Variants in FRAS1 observed in about 807,000 individuals in gnomAD.
FRAS1 encodes Fraser extracellular matrix complex subunit 1, also known as extracellular matrix organizing protein FRAS1.
A neutral mutation model predicts 435.2 loss-of-function variants in FRAS1; 290 were observed. That is an observed-to-expected ratio of 0.67 (90% CI 0.61 to 0.73). FRAS1 has a LOEUF of 0.73. Ranked by LOEUF, FRAS1 falls within the 30% of genes least tolerant of loss-of-function variation. FRAS1 has a pLI of 0.00. For synonymous variants in FRAS1, 1,800 were observed against 1,851.0 expected, an observed-to-expected ratio of 0.97 and a Z score of 0.71; for missense variants, 4,860 against 5,001.5, an observed-to-expected ratio of 0.97 and a Z score of 0.85.
chr4:78,242,243 AG>A (rs1285601141), intron 3 of FRAS1, among the ~76,000 whole-genome samples: 1 of 152,158 alleles, frequency 6.6e-6, no homozygotes, highest in East Asian at 1.9e-4. Flanking sequence ...ACTTATCCAG[AG>A]CTAGGAGGTG....
chr4:78,366,066 G>A (rs1731255959), intron 22 of FRAS1, among the ~76,000 whole-genome samples: 1 of 152,118 alleles, frequency 6.6e-6, no homozygotes, highest in Non-Finnish European at 1.5e-5. Flanking sequence ...GGGCTTTTGA[G>A]GAAATGTAAT....
At chr4:78,319,022 G>C in intron 18 of FRAS1, 36 bp downstream of exon 18, 2 of 1,602,862 alleles carry the variant, frequency 1.2e-6, no homozygotes, top group Non-Finnish European at 8.5e-7. Flanking sequence ...GGTAGCCTCT[G>C]GGCTTATCTC....
chr4:78,216,524 C>T (rs1723775559), intron 2 of FRAS1, among the ~76,000 whole-genome samples: 1 of 152,176 alleles, frequency 6.6e-6, no homozygotes, highest in African/African-American at 2.4e-5. Flanking sequence ...TGGAAACCCT[C>T]ACTGTTATAG....
intron 20 of FRAS1, among the ~76,000 whole-genome samples, chr4:78,354,023 T>TAAAAAA (rs767987937): frequency 5.6e-4 from 59 of 105,996 alleles, no homozygotes; most frequent in Non-Finnish European, 1.0e-3. Flanking sequence ...AAAAATAAAA[T>TAAAAAA]AAAAAAAAAA....
At chr4:78,381,150 A>T (rs376180889) in intron 27 of FRAS1, among the ~76,000 whole-genome samples, 1 of 152,190 alleles carries the variant, frequency 6.6e-6, no homozygotes, top group East Asian at 1.9e-4. Context: ...CCTCCCTAAT[A>T]TACTAGGAAC....
At chr4:78,203,157 T>C (rs1012952106) in intron 2 of FRAS1, among the ~76,000 whole-genome samples, 4 of 152,224 alleles carry the variant, frequency 2.6e-5, no homozygotes, top group African/African-American at 4.8e-5. Context: ...GTTTAACAAA[T>C]GTTAATTGAG....
intron 2 of FRAS1, among the ~76,000 whole-genome samples, chr4:78,149,062 G>C (rs1157346759): frequency 6.6e-6 from 1 of 152,178 alleles, no homozygotes; most frequent in Non-Finnish European, 1.5e-5. Flanking sequence ...TAAAGCAACA[G>C]ACTTGGAACT....
At chr4:78,211,365 G>A (rs1723493781) in intron 2 of FRAS1, among the ~76,000 whole-genome samples, 1 of 152,202 alleles carries the variant, frequency 6.6e-6, no homozygotes, top group Admixed American at 6.5e-5. Flanking sequence ...GTCAACTTGT[G>A]AAAGTTTATA....
intron 32 of FRAS1, among the ~76,000 whole-genome samples, chr4:78,417,524 C>G (rs1158178147): frequency 6.6e-6 from 1 of 152,028 alleles, no homozygotes; most frequent in African/African-American, 2.4e-5. Flanking sequence ...ATTTGTTGTC[C>G]TTACTTGTTT....
chr4:78,316,330 G>A (rs543247183), intron 16 of FRAS1, among the ~76,000 whole-genome samples: 1 of 152,232 alleles, frequency 6.6e-6, no homozygotes, highest in South Asian at 2.1e-4. Context: ...CTTGTTGCCT[G>A]GGACATCTTG....
At chr4:78,452,566 A>ACATGTAAAAT (rs2109836429) in intron 47 of FRAS1, among the ~76,000 whole-genome samples, 1 of 152,378 alleles carries the variant, frequency 6.6e-6, no homozygotes, top group Non-Finnish European at 1.5e-5. Context: ...ATTAAAAGTT[A>ACATGTAAAAT]CATGTAAAAT....
Position 78,104,672 on chromosome 4 carries a change from T to C in FRAS1, c.108+38656T>C, listed in dbSNP as rs952817785. On this transcript the variant is annotated intron_variant, in intron 2 of 73. Coordinates refer to ENST00000512123, the MANE Select transcript of FRAS1 (RefSeq NM_025074.7). ...GCAGAAATTTATTGCAGAGCTGATATGTTTTCCATGCCAGGTGTTGGTGGT... is the reference window on the plus strand; with the variant it reads ...GCAGAAATTTATTGCAGAGCTGATACGTTTTCCATGCCAGGTGTTGGTGGT... Among the ~76,000 whole-genome samples, 7 of 152,340 alleles carry C rather than the reference T, an allele frequency of 4.6e-5. No individual in the cohort carries two copies. In the East Asian group the frequency reaches 5.8e-4, roughly 13 times the overall value.
At chr4:78,346,274 T>A (rs1196859680) in intron 20 of FRAS1, among the ~76,000 whole-genome samples, 1 of 152,258 alleles carries the variant, frequency 6.6e-6, no homozygotes, top group East Asian at 1.9e-4. Context: ...TCATGTTTAT[T>A]GAACACTCAT....
At chr4:78,168,522 T>C (rs1214823274) in intron 2 of FRAS1, among the ~76,000 whole-genome samples, 1 of 152,082 alleles carries the variant, frequency 6.6e-6, no homozygotes, top group Non-Finnish European at 1.5e-5. Context: ...TTTTTTTTCC[T>C]TGAGTAGGCA....
intron 34 of FRAS1, among the ~76,000 whole-genome samples, chr4:78,423,325 C>CCCAG (rs1221412561): frequency 5.9e-5 from 9 of 152,048 alleles, no homozygotes; most frequent in Non-Finnish European, 1.2e-4. Flanking sequence ...TGCCACCACA[C>CCCAG]CCGGCTAAGT....
chr4:78,132,827 G>A (rs766872227), intron 2 of FRAS1, among the ~76,000 whole-genome samples: 3 of 151,460 alleles, frequency 2.0e-5, no homozygotes, highest in Admixed American at 6.6e-5. Context: ...TTTCTAGTGT[G>A]GTTTGGCTCA....
chr4:78,223,299 A>G (rs1193875887), intron 2 of FRAS1, among the ~76,000 whole-genome samples: 1 of 152,206 alleles, frequency 6.6e-6, no homozygotes, highest in African/African-American at 2.4e-5. Flanking sequence ...CTGAATTCAC[A>G]TGCCAGTTGT....
At chr4:78,346,969 T>G (rs754047061) in intron 20 of FRAS1, among the ~76,000 whole-genome samples, 1 of 152,168 alleles carries the variant, frequency 6.6e-6, no homozygotes, top group Non-Finnish European at 1.5e-5. Flanking sequence ...CTTTCACAGC[T>G]TAAATCTTCA....
At position 78,540,701 on chromosome 4, in the gene FRAS1, T is replaced by C; in HGVS notation, c.11616T>C (p.Asn3872=). 1 of 1,613,736 alleles carries C rather than the reference T, an allele frequency of 6.2e-7. No homozygotes were observed. Among genetic ancestry groups the C allele is most frequent in the Non-Finnish European group, 8.5e-7 (1 of 1,179,766 alleles). ...LILDDSLIYD[N]EGDQVKNGTN... ...TTGATGATTCCCTCATCTATGACAA[T>C]GAAGGAGACCAAGTCAAGAATGGCA... The change falls in exon 74 of 74, where the codon AAT becomes AAC. Residue 3872 remains asparagine (N), a synonymous_variant. Transcript: ENST00000512123.
Sources: gnomAD v4.1 joint callset for allele counts (sites outside exome capture counted in the v4.1 genomes callset) on GRCh38, gnomAD v4.1.1 for gene constraint, MANE v1.5 for transcripts, NCBI Gene and HGNC (gene_info 2026-07-23, HGNC 2026-07-21) for gene names.